The following MED15 variants were observed in gnomAD, a reference collection of about 807,000 sequenced individuals.
MED15 encodes mediator complex subunit 15, also known as mediator of RNA polymerase II transcription subunit 15.
Under a neutral mutation model 118.7 loss-of-function variants are expected in MED15, and 41 were observed. The ratio of observed to expected loss-of-function variants is 0.35; its 90% CI spans 0.27 to 0.45. The LOEUF is 0.45. Ranked by LOEUF, MED15 falls within the 20% of genes least tolerant of loss-of-function variation. The probability of loss-of-function intolerance (pLI) is 1.00; values close to 1 mark genes in which losing one functional copy is unlikely to be tolerated. For synonymous variants in MED15, 436 were observed against 413.9 expected, an observed-to-expected ratio of 1.05 and a Z score of -0.65; for missense variants, 740 against 1,025.5, an observed-to-expected ratio of 0.72 and a Z score of 3.80.
chr22:20,555,160 ACTT>A lies in MED15; in HGVS notation c.451+16_451+18del. The A allele has an allele frequency of 6.3e-7, 1 of 1,575,826 alleles. No individual in the cohort carries two copies. On this transcript the variant is annotated intron_variant, in intron 5 of 17. Transcript: ENST00000263205. ...GGCAACTCCACAGAGTGAGTACCAC[ACTT>A]CTTGGAGGATTTGCCGCTTTCCTTG...
intron 8 of MED15, among the ~76,000 whole-genome samples, chr22:20,570,154 A>G (rs1390631895): frequency 6.6e-6 from 1 of 152,020 alleles, no homozygotes; most frequent in Non-Finnish European, 1.5e-5. Context: ...GTTCCCGAGT[A>G]GCTGGAACTA....
intron 1 of MED15, chr22:20,524,186 A>C (rs1196060483): frequency 6.6e-6 from 1 of 152,258 alleles, no homozygotes; most frequent in East Asian, 1.9e-4. Flanking sequence ...GCTGCCTGAG[A>C]GATAGAGAGG....
chr22:20,577,774 T>C (rs1167019472), intron 9 of MED15, among the ~76,000 whole-genome samples: 2 of 151,968 alleles, frequency 1.3e-5, no homozygotes, highest in Non-Finnish European at 2.9e-5. Context: ...CCTTTGGGGT[T>C]GTTCACTGAG....
intron 5 of MED15, among the ~76,000 whole-genome samples, chr22:20,557,844 C>T (rs1447151684): frequency 2.6e-5 from 4 of 152,198 alleles, no homozygotes; most frequent in African/African-American, 4.8e-5. Flanking sequence ...CGGTGGCTCA[C>T]GCCTGTAATC....
intron 1 of MED15, among the ~76,000 whole-genome samples, chr22:20,510,338 ATCGCACCACTGCTATCCCGCCTAG>A (rs1601423544): frequency 1.3e-5 from 2 of 152,188 alleles, no homozygotes; most frequent in East Asian, 3.8e-4. Context: ...GTGAGCCGAG[ATCGCACCACTGCTATCCCGCCTAG>A]TGACAGAGCG....
chr22:20,508,378 C>T, intron 1 of MED15: 2 of 1,304,276 alleles, frequency 1.5e-6, no homozygotes, highest in Non-Finnish European at 2.0e-6. Flanking sequence ...TCACCACCGA[C>T]TGCTTGTTTC....
Position 20,557,386 on chromosome 22 carries a change from T to G in MED15, c.451+2238T>G, listed in dbSNP as rs114277000. Among the ~76,000 whole-genome samples, 288 of 152,320 alleles carry G rather than the reference T, an allele frequency of 1.9e-3. 1 individual carries two copies. The highest frequency in any genetic ancestry group is 6.7e-3 in the African/African-American group (278 of 41,578). Reference sequence around the variant, plus strand: ...ACCTTAATTCTCCTCTTACTTCCTGTTGTCTAACTCTCAGCACGTGCTGGT... The same window carrying G: ...ACCTTAATTCTCCTCTTACTTCCTGGTGTCTAACTCTCAGCACGTGCTGGT... On this transcript the variant is annotated intron_variant, in intron 5 of 17. Coordinates refer to ENST00000263205, the MANE Select transcript of MED15 (RefSeq NM_001003891.3).
intron 2 of MED15, among the ~76,000 whole-genome samples, chr22:20,546,345 T>C (rs749016330): frequency 6.6e-6 from 1 of 152,180 alleles, no homozygotes; most frequent in Non-Finnish European, 1.5e-5. Flanking sequence ...TTTGTATTTC[T>C]GGGCATCTTG....
At chr22:20,552,439 C>T (rs1183150338) in intron 3 of MED15, 1 of 342,332 alleles carries the variant, frequency 2.9e-6, no homozygotes, top group Non-Finnish European at 6.1e-6. Flanking sequence ...ATCTCACTCT[C>T]TGTGGTGTTG....
At chr22:20,538,229 G>A (rs1024349568) in intron 2 of MED15, among the ~76,000 whole-genome samples, 3 of 152,108 alleles carry the variant, frequency 2.0e-5, no homozygotes, top group African/African-American at 7.2e-5. Flanking sequence ...TCACAGGTGC[G>A]AGCCACCAAG....
Position 20,554,947 on chromosome 22 carries a change from G to A in MED15, c.250G>A (p.Ala84Thr). ...TTGTGTTCCCACAGATCCTATGAAT[G>A]CACTCCAGAGCCTGACTGGCGGACC... is the stretch of plus-strand genomic sequence containing the variant. ...SQASVSDPMN[A>T]LQSLTGGPAA... Residue 84 changes from alanine to threonine, a missense_variant, in exon 5 of 18, where the codon GCA (alanine) becomes ACA (threonine). Ala to Thr is a moderately conservative substitution (Grantham distance 58). Around this residue, in one of 7 missense-constraint regions of MED15, gnomAD observed 117 missense variants for 124.6 expected, o/e 0.94. Transcript: ENST00000263205. 6.2e-7 allele frequency: 1 copy of A among 1,605,304 alleles called. No individual in the cohort carries two copies. The highest frequency in any genetic ancestry group is 2.1e-4 in the Middle Eastern group (1 of 4,692).
chr22:20,535,077 C>T (rs1183083314), intron 1 of MED15, among the ~76,000 whole-genome samples: 1 of 152,162 alleles, frequency 6.6e-6, no homozygotes, highest in African/African-American at 2.4e-5. Flanking sequence ...CCTGCCTCAG[C>T]CTCCCGAGTA....
chr22:20,516,964 G>A (rs2054278121), intron 1 of MED15, among the ~76,000 whole-genome samples: 1 of 152,140 alleles, frequency 6.6e-6, no homozygotes, highest in South Asian at 2.1e-4. Flanking sequence ...AAAGGGTCTT[G>A]TTATGTTGCC....
intron 2 of MED15, among the ~76,000 whole-genome samples, chr22:20,540,345 A>G (rs566803861): frequency 2.0e-4 from 31 of 152,230 alleles, no homozygotes; most frequent in Non-Finnish European, 4.1e-4. Flanking sequence ...TTCTAGGACA[A>G]CTGGGTAACT....
chr22:20,551,732 A>G lies in MED15; in HGVS notation c.208+245A>G, dbSNP rs144539010. On this transcript the variant is annotated intron_variant, in intron 3 of 17. Coordinates refer to ENST00000263205, the MANE Select transcript of MED15 (RefSeq NM_001003891.3). The stretch of plus-strand genomic sequence containing the variant: ...GAAATGCTGTCCTCAAAGTGGTCTA[A>G]ACGGGTTGCTGCTTCACTTGCTCAC... 6.5e-3 allele frequency: 3,629 copies of G among 559,630 alleles called. 20 individuals carry two copies. The highest frequency in any genetic ancestry group is 8.8e-3 in the Non-Finnish European group (2,762 of 312,796). 34.7% of individuals were successfully genotyped at this position (559,630 alleles called of 1,614,324 possible).
At chr22:20,529,159 T>G (rs750025338) in intron 1 of MED15, among the ~76,000 whole-genome samples, 4 of 152,232 alleles carry the variant, frequency 2.6e-5, no homozygotes, top group Non-Finnish European at 4.4e-5. Flanking sequence ...CCTGGTTTTT[T>G]TTTCTGTGGT....
chr22:20,558,092 G>A lies in MED15; in HGVS notation c.451+2944G>A, dbSNP rs375871479. ...TGCACTCCAGCCTGGGCAACAGAGC[G>A]AGACTCTGTCTCAAAAGAAAAAAGA... On this transcript the variant is annotated intron_variant, in intron 5 of 17. Transcript: ENST00000263205. Among the ~76,000 whole-genome samples, 30 of 152,108 alleles carry A rather than the reference G, an allele frequency of 2.0e-4. No homozygotes were observed. In the East Asian group the frequency reaches 2.7e-3, roughly 14 times the overall value.
intron 1 of MED15, among the ~76,000 whole-genome samples, chr22:20,524,994 A>G (rs1349630506): frequency 6.6e-6 from 1 of 152,164 alleles, no homozygotes; most frequent in Non-Finnish European, 1.5e-5. Flanking sequence ...TGACTGAGAC[A>G]GGAAGGTTTA....
At chr22:20,568,691 T>C in intron 8 of MED15, 60 bp downstream of exon 8, 3 of 1,579,484 alleles carry the variant, frequency 1.9e-6, no homozygotes, top group Middle Eastern at 1.7e-4. Context: ...CACCTGCGCA[T>C]GTAGTGCTAC....
Sources: allele counts gnomAD v4.1 joint callset (sites outside exome capture counted in the v4.1 genomes callset), GRCh38; gene constraint gnomAD v4.1.1; regional missense constraint gnomAD v4.1.1; transcripts MANE v1.5; gene names NCBI Gene and HGNC (gene_info 2026-07-23, HGNC 2026-07-21).